The following CWF19L2 variants were observed in gnomAD, a reference collection of about 807,000 sequenced individuals.
The protein encoded by CWF19L2 is CWF19 like cell cycle control factor 2.
Under a neutral mutation model 111.7 loss-of-function variants are expected in CWF19L2, and 98 were observed. The ratio of observed to expected loss-of-function variants is 0.88; its 90% CI spans 0.75 to 1.04. CWF19L2 has a LOEUF of 1.04. Ranked by LOEUF, CWF19L2 falls within the 50% of genes least tolerant of loss-of-function variation. CWF19L2 has a pLI of 0.00. For missense variants in CWF19L2, 1,101 were observed against 1,051.4 expected (o/e 1.05, Z -0.65); for synonymous variants, 351 against 342.9 (o/e 1.02, Z -0.26).
intron 3 of CWF19L2, among the ~76,000 whole-genome samples, chr11:107,452,415 T>C (rs887059357): frequency 6.6e-6 from 1 of 151,932 alleles, no homozygotes; most frequent in African/African-American, 2.4e-5. Flanking sequence ...ACAAACGACA[T>C]GTAAGATCTC....
intron 12 of CWF19L2, among the ~76,000 whole-genome samples, chr11:107,357,292 A>C (rs1860252574): frequency 6.6e-6 from 1 of 152,244 alleles, no homozygotes; most frequent in Admixed American, 6.5e-5. Context: ...AAGAAAACTT[A>C]TTTCATCTAG....
At chr11:107,378,474 G>A (rs1238671624) in intron 12 of CWF19L2, among the ~76,000 whole-genome samples, 2 of 152,030 alleles carry the variant, frequency 1.3e-5, no homozygotes, top group Non-Finnish European at 2.9e-5. Context: ...GTAGGGACAT[G>A]GATGAAATTG....
intron 6 of CWF19L2, among the ~76,000 whole-genome samples, chr11:107,435,433 A>G (rs1325820000): frequency 6.6e-6 from 1 of 152,190 alleles, no homozygotes; most frequent in African/African-American, 2.4e-5. Flanking sequence ...TTATCTGTGA[A>G]ACTGATAAAA....
intron 7 of CWF19L2, among the ~76,000 whole-genome samples, chr11:107,432,055 T>C (rs1254067337): frequency 6.6e-6 from 1 of 152,174 alleles, no homozygotes; most frequent in African/African-American, 2.4e-5. Context: ...CAATAAATTA[T>C]ACCAAGAGCA....
intron 11 of CWF19L2, 42 bp downstream of exon 11, chr11:107,392,737 A>C: frequency 8.2e-7 from 1 of 1,219,630 alleles, no homozygotes; most frequent in Non-Finnish European, 1.2e-6. Flanking sequence ...AAGGGGAAGA[A>C]GGAATTCTGA....
chr11:107,413,030 A>G (rs1861179400), intron 10 of CWF19L2, among the ~76,000 whole-genome samples: 1 of 152,248 alleles, frequency 6.6e-6, no homozygotes. Flanking sequence ...AATACTCTGT[A>G]TGATACTACA....
chr11:107,418,438 A>AT (rs981859028), intron 8 of CWF19L2, among the ~76,000 whole-genome samples, 151 bp from the exon 9 acceptor site: 4 of 152,312 alleles, frequency 2.6e-5, no homozygotes, highest in African/African-American at 9.6e-5. Flanking sequence ...TAAACTCAAT[A>AT]TTTTTCCACA....
At chr11:107,411,878 G>A (rs774977587) in intron 10 of CWF19L2, among the ~76,000 whole-genome samples, 35 of 152,052 alleles carry the variant, frequency 2.3e-4, no homozygotes, top group Admixed American at 9.2e-4. Context: ...GAGGGACAAA[G>A]GCAGAGACGG....
At chr11:107,383,565 A>C (rs1860723566) in intron 12 of CWF19L2, among the ~76,000 whole-genome samples, 1 of 152,198 alleles carries the variant, frequency 6.6e-6, no homozygotes, top group South Asian at 2.1e-4. Flanking sequence ...GGATAAAAAA[A>C]CCAAGAATCA....
Position 107,434,408 on chromosome 11 carries a change from T to C in CWF19L2, c.665-659A>G, listed in dbSNP as rs186626425. Among the ~76,000 whole-genome samples the C allele has an allele frequency of 5.9e-5, 9 of 151,968 alleles. No homozygotes were observed. In the East Asian group the frequency reaches 1.7e-3, roughly 29 times the overall value. On this transcript the variant is annotated intron_variant, in intron 6 of 17. Coordinates refer to ENST00000282251, the MANE Select transcript of CWF19L2 (RefSeq NM_152434.3). ...CTTTACACATCACGCTTTGGATATG[T>C]GTAAAGAGGAAATCAAATCAATTAC...
chr11:107,362,138 C>T lies in CWF19L2; in HGVS notation c.1873-8402G>A, dbSNP rs868385892. ...GACCGGCTTAAAAAACGGCACACTACGAGATTATATCCCGCACCTGGCTCG... is the reference window on the plus strand; with the variant it reads ...GACCGGCTTAAAAAACGGCACACTATGAGATTATATCCCGCACCTGGCTCG... On this transcript the variant is annotated intron_variant, in intron 12 of 17. Coordinates refer to ENST00000282251, the MANE Select transcript of CWF19L2 (RefSeq NM_152434.3). Among the ~76,000 whole-genome samples the T allele has an allele frequency of 6.6e-4, 100 of 152,140 alleles. 1 individual carries two copies. The highest frequency in any genetic ancestry group is 3.4e-3 in the Middle Eastern group (1 of 294).
At chr11:107,388,249 C>G (rs941076423) in intron 12 of CWF19L2, among the ~76,000 whole-genome samples, 1 of 152,206 alleles carries the variant, frequency 6.6e-6, no homozygotes, top group Non-Finnish European at 1.5e-5. Context: ...TATTTGTTCA[C>G]TTTCTCATCC....
intron 10 of CWF19L2, among the ~76,000 whole-genome samples, chr11:107,409,798 T>C (rs1861131469): frequency 6.6e-6 from 1 of 152,050 alleles, no homozygotes; most frequent in African/African-American, 2.4e-5. Context: ...CCAGACTAGA[T>C]GATGTGAAAG....
At chr11:107,358,723 A>G (rs1860277117) in intron 12 of CWF19L2, among the ~76,000 whole-genome samples, 1 of 152,204 alleles carries the variant, frequency 6.6e-6, no homozygotes, top group Non-Finnish European at 1.5e-5. Context: ...GCTAATTTTA[A>G]TCTGTATTTT....
At position 107,338,034 on chromosome 11, in the gene CWF19L2, T is replaced by A. The variant is rs151028896; in HGVS notation, c.2203-1321A>T. Among the ~76,000 whole-genome samples the A allele has an allele frequency of 4.6e-5, 7 of 152,206 alleles. No individual in the cohort carries two copies. The East Asian group carries it at 1.4e-3, about 29-fold the overall frequency. ...GCAATTCCAACACTGTCCATAAAGATCTTCTGTTACCCTTTTACTTTCTCT... is the reference window on the plus strand; with the variant it reads ...GCAATTCCAACACTGTCCATAAAGAACTTCTGTTACCCTTTTACTTTCTCT... On this transcript the variant is annotated intron_variant, in intron 14 of 17. Transcript: ENST00000282251.
At chr11:107,394,268 A>T (rs1022678934) in intron 10 of CWF19L2, among the ~76,000 whole-genome samples, 2 of 152,176 alleles carry the variant, frequency 1.3e-5, no homozygotes, top group African/African-American at 4.8e-5. Flanking sequence ...GATTATCATT[A>T]CTTTTCTTCC....
intron 10 of CWF19L2, chr11:107,404,436 T>C: frequency 2.6e-6 from 2 of 776,546 alleles, no homozygotes; most frequent in East Asian, 2.5e-5. Context: ...GAGGATGCCA[T>C]GAACTGGCTG....
chr11:107,442,802 G>C lies in CWF19L2; in HGVS notation c.450+137C>G. ...AGGAAGGAAGGAAGGAAGGGAGGGA[G>C]GGAGGGAGGGAGGGAGGGGGAGGGA... On this transcript the variant is annotated intron_variant, in intron 4 of 17. Coordinates refer to ENST00000282251, the MANE Select transcript of CWF19L2 (RefSeq NM_152434.3). 1.3e-5 allele frequency: 5 copies of C among 395,894 alleles called. 1 individual carries two copies. The highest frequency in any genetic ancestry group is 2.2e-5 in the Non-Finnish European group (5 of 230,254). The allele number at this position is 395,894 out of a possible 1,614,324, so 24.5% of individuals were successfully genotyped here.
At chr11:107,362,253 G>A (rs944555581) in intron 12 of CWF19L2, among the ~76,000 whole-genome samples, 41 of 151,946 alleles carry the variant, frequency 2.7e-4, no homozygotes, top group Admixed American at 1.0e-3. Flanking sequence ...GGGAAGGGGC[G>A]CCCGCCATTG....
Sources: allele counts gnomAD v4.1 joint callset (sites outside exome capture counted in the v4.1 genomes callset), GRCh38; gene constraint gnomAD v4.1.1; transcripts MANE v1.5; gene names NCBI Gene and HGNC (gene_info 2026-07-23, HGNC 2026-07-21).